The following HLTF variants were observed in gnomAD, a reference collection of about 807,000 sequenced individuals.
HLTF encodes the protein helicase like transcription factor.
A neutral mutation model predicts 129.4 loss-of-function variants in HLTF; 127 were observed. The ratio of observed to expected loss-of-function variants is 0.98; its 90% confidence interval spans 0.85 to 1.14. HLTF has a LOEUF of 1.14. HLTF is among the 50% of genes most tolerant of loss of function. The pLI is 0.00. For synonymous variants in HLTF, 332 were observed against 388.8 expected (o/e 0.85, Z 1.72); for missense variants, 1,139 against 1,187.1 (o/e 0.96, Z 0.60).
At chr3:149,075,844 T>C (rs1433818569) in intron 3 of HLTF, 37 bp downstream of exon 3, 4 of 1,475,568 alleles carry the variant, frequency 2.7e-6, no homozygotes, top group Non-Finnish European at 3.7e-6. Flanking sequence ...TGACTATAAT[T>C]CACAATTATT....
rs1333728613 is a variant in HLTF at position 149,075,800 on chromosome 3, A to C, written c.395+81T>G. 8 of 831,620 alleles carry C rather than the reference A, an allele frequency of 9.6e-6. No homozygotes were observed. The African/African-American group carries it at 1.0e-4, about 11-fold the overall frequency. The allele number at this position is 831,620 out of a possible 1,614,324, so 51.5% of individuals were successfully genotyped here. A position where few individuals can be genotyped will look rare whatever the true frequency, so the allele number is the denominator to read the frequency against. ...ATAGAAATTGTTAGCATACCTTTAT[A>C]GGCTCTAACAAGAAGCCCTAACAAG... On this transcript the variant is annotated intron_variant, in intron 3 of 24. Transcript: ENST00000310053.
chr3:149,032,485 C>A (rs879459986), intron 24 of HLTF, 113 bp from the exon 25 acceptor site: 5 of 605,126 alleles, frequency 8.3e-6, no homozygotes, highest in Non-Finnish European at 1.3e-5. Flanking sequence ...ATTACTTTTG[C>A]ACCAAACTAT....
intron 8 of HLTF, among the ~76,000 whole-genome samples, chr3:149,067,974 C>T (rs922437872): frequency 1.3e-5 from 2 of 152,044 alleles, no homozygotes; most frequent in Non-Finnish European, 2.9e-5. Context: ...CGAAATCCCA[C>T]GACTTGAGCC....
At chr3:149,072,190 A>G (rs928157799) in intron 5 of HLTF, among the ~76,000 whole-genome samples, 1 of 152,254 alleles carries the variant, frequency 6.6e-6, no homozygotes, top group East Asian at 1.9e-4. Context: ...GTTAGGAGGT[A>G]AAAGAATATA....
chr3:149,040,061 CT>C lies in HLTF; in HGVS notation c.2471del (p.Lys824SerfsTer15), dbSNP rs748423904. The C allele has an allele frequency of 4.3e-6, 7 of 1,611,644 alleles. No individual in the cohort carries two copies. The highest frequency in any genetic ancestry group is 5.9e-6 in the Non-Finnish European group (7 of 1,179,158). ...PEELARDSEK[K>X]SDMEWTSSSK... ...AACTGGATGTCCATTCCATATCAGA[CT>C]TTTTCTCACTGTCACGTGCTAATTC... is the stretch of plus-strand genomic sequence containing the variant. On this transcript the variant is annotated frameshift_variant, in exon 21 of 25. Transcript: ENST00000310053. LOFTEE classifies it high-confidence loss of function.
chr3:149,047,932 TAA>T (rs1203642395), intron 17 of HLTF, 94 bp downstream of exon 17: 11 of 1,001,350 alleles, frequency 1.1e-5, no homozygotes, highest in African/African-American at 1.7e-5. Flanking sequence ...AAGGAAAAGT[TAA>T]GAGTCAAGTT....
intron 13 of HLTF, among the ~76,000 whole-genome samples, chr3:149,058,994 A>C (rs1717702673): frequency 6.6e-6 from 1 of 152,158 alleles, no homozygotes; most frequent in Admixed American, 6.5e-5. Flanking sequence ...TGATTCTTGG[A>C]CCAAAAGTCG....
intron 13 of HLTF, among the ~76,000 whole-genome samples, chr3:149,056,785 T>C (rs938231478): frequency 2.6e-5 from 4 of 152,210 alleles, no homozygotes; most frequent in African/African-American, 9.6e-5. Context: ...TGCACTTACA[T>C]GCAAATTTTT....
Position 149,048,996 on chromosome 3 carries a change from T to G in HLTF, c.1623A>C (p.Lys541Asn). ...TTATGCTATGTAATGGACTATCTCCTTTAGTCTGAAATAAATGTTTTATAT... is the reference window on the plus strand; with the variant it reads ...TTATGCTATGTAATGGACTATCTCCGTTAGTCTGAAATAAATGTTTTATAT... ...YNILTHDYGT[K>N]GDSPLHSIRW... Residue 541 changes from lysine (K) to asparagine (N), a missense_variant, in exon 16 of 25, where the codon AAA (lysine) becomes AAC (asparagine). Physicochemically the swap from Lys to Asn is moderately conservative, Grantham distance 94. Transcript: ENST00000310053. 6.3e-7 allele frequency: 1 copy of G among 1,594,808 alleles called. No homozygotes were observed. Among genetic ancestry groups the G allele is most frequent in the Non-Finnish European group, 8.6e-7 (1 of 1,165,424 alleles).
At chr3:149,085,908 C>T (rs755062310) in intron 1 of HLTF, among the ~76,000 whole-genome samples, 4 of 152,192 alleles carry the variant, frequency 2.6e-5, no homozygotes, top group Non-Finnish European at 5.9e-5. Flanking sequence ...CTACTAGCGC[C>T]TCTGCAAATA....
rs1337335645 is a variant in HLTF, at chr3:149,041,504, T to C, written c.2362A>G (p.Ile788Val). 4 of 1,612,668 alleles carry C rather than the reference T, an allele frequency of 2.5e-6. No individual in the cohort carries two copies. The highest frequency in any genetic ancestry group is 3.4e-6 in the Non-Finnish European group (4 of 1,179,224). Residue 788 changes from isoleucine to valine, a missense_variant, in exon 20 of 25, where the codon ATT (isoleucine) becomes GTT (valine). Transcript: ENST00000310053. ...AAAAAACTAACCTGCTCATTCTGAA[T>C]GACTTGGCAAATACAGGGTTTACAA... ...VFCKPCICQV[I>V]QNEQPHAKCP...
intron 8 of HLTF, among the ~76,000 whole-genome samples, chr3:149,065,976 C>T (rs1718345046): frequency 6.6e-6 from 1 of 151,874 alleles, no homozygotes; most frequent in South Asian, 2.1e-4. Flanking sequence ...TTACTATAAC[C>T]ATTTATATTA....
chr3:149,036,740 C>A (rs1005274058), intron 23 of HLTF, among the ~76,000 whole-genome samples: 1 of 151,710 alleles, frequency 6.6e-6, no homozygotes, highest in African/African-American at 2.4e-5. Flanking sequence ...AGAGGAAGAC[C>A]CTGTCTCTTA....
rs6764352 is a variant in HLTF, at chr3:149,039,038, G to A, written c.2796+11C>T. On this transcript the variant is annotated intron_variant, in intron 23 of 24. Coordinates refer to ENST00000310053, the MANE Select transcript of HLTF (RefSeq NM_003071.4). Reference sequence around the variant, plus strand: ...TACTAAGATTCTGAAAAAATTTACAGAACTACTTACTGGATCCATTAAAAA... The same window carrying A: ...TACTAAGATTCTGAAAAAATTTACAAAACTACTTACTGGATCCATTAAAAA... 1,423,508 of 1,461,420 alleles carry A rather than the reference G, an allele frequency of 0.97. 693,517 individuals carry two copies. The highest frequency in any genetic ancestry group is 1 in the East Asian group (39,665 of 39,672). The allele number at this position is 1,461,420 out of a possible 1,614,324, so 90.5% of individuals were successfully genotyped here.
chr3:149,083,610 T>TA (rs1488786454), intron 2 of HLTF: 5 of 151,940 alleles, frequency 3.3e-5, no homozygotes, highest in Admixed American at 1.3e-4. Flanking sequence ...TAAGAACTGA[T>TA]AGAGTTCAAG....
chr3:149,044,991 T>C (rs1716420968), intron 18 of HLTF, among the ~76,000 whole-genome samples: 1 of 152,168 alleles, frequency 6.6e-6, no homozygotes, highest in Non-Finnish European at 1.5e-5. Context: ...TTTAAAAATA[T>C]AAATCAGATT....
chr3:149,081,623 C>A (rs1044520402), intron 2 of HLTF, among the ~76,000 whole-genome samples: 1 of 151,960 alleles, frequency 6.6e-6, no homozygotes, highest in Non-Finnish European at 1.5e-5. Context: ...ATATAATCAC[C>A]TTTTTAAAAA....
chr3:149,047,645 T>G (rs978064940), intron 17 of HLTF, among the ~76,000 whole-genome samples: 2 of 151,750 alleles, frequency 1.3e-5, no homozygotes, highest in African/African-American at 4.9e-5. Context: ...CCATCTCAAA[T>G]AAATAAATAC....
intron 2 of HLTF, among the ~76,000 whole-genome samples, 179 bp from the exon 3 acceptor site, chr3:149,076,226 A>G (rs913260143): frequency 6.6e-6 from 1 of 152,094 alleles, no homozygotes; most frequent in Non-Finnish European, 1.5e-5. Flanking sequence ...TGACTCCTTA[A>G]TATTATTTTT....
Sources: allele counts gnomAD v4.1 joint callset (sites outside exome capture counted in the v4.1 genomes callset), GRCh38; gene constraint gnomAD v4.1.1; transcripts MANE v1.5; gene names NCBI Gene and HGNC (gene_info 2026-07-23, HGNC 2026-07-21).